The following STK33 variants were observed in gnomAD, a reference collection of about 807,000 sequenced individuals.
The protein encoded by STK33 is serine/threonine-protein kinase 33.
In STK33, 52 loss-of-function variants were observed where a neutral mutation model predicts 58.0. That is an observed-to-expected ratio of 0.90 (90% CI 0.72 to 1.13). STK33 has a LOEUF of 1.13. Ranked by LOEUF, STK33 falls within the 50% of genes most tolerant of loss-of-function variation. The pLI is 0.00. For synonymous variants in STK33, 215 were observed against 200.1 expected, an observed-to-expected ratio of 1.07 and a Z score of -0.63; for missense variants, 630 against 604.2, an observed-to-expected ratio of 1.04 and a Z score of -0.45.
chr11:8,457,273 C>T, intron 9 of STK33, 68 bp downstream of exon 9: 1 of 1,366,558 alleles, frequency 7.3e-7, no homozygotes, highest in South Asian at 2.2e-5. Flanking sequence ...ATCTGGAATA[C>T]AATTACCCTT....
At chr11:8,588,749 T>C (rs2032126872) in intron 1 of STK33, among the ~76,000 whole-genome samples, 1 of 151,972 alleles carries the variant, frequency 6.6e-6, no homozygotes, top group South Asian at 2.1e-4. Context: ...TGGAAGAAAA[T>C]ATTTGCAAAT....
chr11:8,400,035 G>C (rs1199631739), intron 15 of STK33, among the ~76,000 whole-genome samples: 1 of 152,168 alleles, frequency 6.6e-6, no homozygotes, highest in African/African-American at 2.4e-5. Context: ...AATTCTACCA[G>C]AGGTACAAAG....
chr11:8,386,856 C>T, the STK33 span, among the ~76,000 whole-genome samples: 3 of 152,136 alleles, frequency 2.0e-5, no homozygotes, highest in Admixed American at 6.5e-5. Context: ...TGTGGGAAAT[C>T]GAAACATGAT....
At chr11:8,338,762 C>T in the STK33 span, among the ~76,000 whole-genome samples, 8 of 152,296 alleles carry the variant, frequency 5.3e-5, no homozygotes, top group South Asian at 2.1e-4. Context: ...CAGAAGACCC[C>T]TTCTTCTGTC....
chr11:8,352,043 C>T, the STK33 span, among the ~76,000 whole-genome samples: 1 of 152,260 alleles, frequency 6.6e-6, no homozygotes, highest in East Asian at 1.9e-4. Flanking sequence ...CCCATTGCAA[C>T]TGTCCCAACA....
intron 2 of STK33, among the ~76,000 whole-genome samples, chr11:8,479,228 C>T (rs1050264467): frequency 6.6e-6 from 1 of 151,854 alleles, no homozygotes; most frequent in Admixed American, 6.6e-5. Context: ...TGGCCAACAT[C>T]CTGACCAACC....
intron 1 of STK33, among the ~76,000 whole-genome samples, chr11:8,526,828 C>CAA (rs35493333): frequency 0.12 from 15,165 of 131,642 alleles, 986 homozygotes; most frequent in East Asian, 0.28. Flanking sequence ...TGATACTGAG[C>CAA]AAAAAAAAAA....
chr11:8,571,142 C>G (rs1322416464), intron 1 of STK33, among the ~76,000 whole-genome samples: 1 of 151,978 alleles, frequency 6.6e-6, no homozygotes, highest in Admixed American at 6.5e-5. Context: ...AAAAGCCCAG[C>G]AGTTTAGCTT....
At chr11:8,367,559 G>A in the STK33 span, among the ~76,000 whole-genome samples, 1 of 152,208 alleles carries the variant, frequency 6.6e-6, no homozygotes, top group Admixed American at 6.5e-5. Context: ...AGAATGAGTA[G>A]CAACTCACCA....
intron 1 of STK33, among the ~76,000 whole-genome samples, chr11:8,500,337 C>G (rs1179150195): frequency 1.5e-5 from 2 of 134,002 alleles, no homozygotes; most frequent in Admixed American, 1.5e-4. Context: ...GAAACACCCC[C>G]CAACACACAC....
chr11:8,515,380 C>T (rs1055272526), intron 1 of STK33, among the ~76,000 whole-genome samples: 1 of 152,056 alleles, frequency 6.6e-6, no homozygotes, highest in Non-Finnish European at 1.5e-5. Context: ...AAAGTCTAAA[C>T]AGATCTATAA....
chr11:8,421,205 C>T (rs927509576), intron 14 of STK33, among the ~76,000 whole-genome samples: 20 of 152,078 alleles, frequency 1.3e-4, no homozygotes, highest in African/African-American at 4.3e-4. Context: ...TTATGAAATC[C>T]TTTCCTACAC....
At chr11:8,444,350 T>C (rs1399879282) in intron 11 of STK33, among the ~76,000 whole-genome samples, 2 of 152,214 alleles carry the variant, frequency 1.3e-5, no homozygotes, top group African/African-American at 4.8e-5. Flanking sequence ...TCCTTTTTTT[T>C]GTACTCAGCA....
At chr11:8,498,999 TACC>T (rs1780284460) in intron 1 of STK33, among the ~76,000 whole-genome samples, 2 of 152,070 alleles carry the variant, frequency 1.3e-5, no homozygotes, top group Non-Finnish European at 2.9e-5. Flanking sequence ...ACCTAGCCAA[TACC>T]ATTCAGGACA....
intron 1 of STK33, among the ~76,000 whole-genome samples, chr11:8,496,644 G>T (rs563876778): frequency 1.3e-3 from 202 of 150,190 alleles, no homozygotes; most frequent in African/African-American, 4.7e-3. Context: ...GCGTGATCTC[G>T]GCTCACTGCA....
chr11:8,412,103 T>C (rs1457939472), intron 15 of STK33, among the ~76,000 whole-genome samples: 1 of 152,162 alleles, frequency 6.6e-6, no homozygotes, highest in African/African-American at 2.4e-5. Context: ...ATTGTACATA[T>C]GTGAGTATAT....
intron 15 of STK33, among the ~76,000 whole-genome samples, chr11:8,409,621 G>C (rs1939863792): frequency 1.3e-5 from 2 of 152,124 alleles, no homozygotes; most frequent in South Asian, 4.1e-4. Flanking sequence ...GGGCAAACAA[G>C]GTTAGAAGCA....
chr11:8,574,802 G>A (rs143242723), intron 1 of STK33, among the ~76,000 whole-genome samples: 314 of 152,088 alleles, frequency 2.1e-3, no homozygotes, highest in Non-Finnish European at 3.4e-3. Flanking sequence ...ACTTTGGGGT[G>A]CCAGGCCAGG....
intron 1 of STK33, among the ~76,000 whole-genome samples, chr11:8,512,815 T>C (rs568477325): frequency 6.6e-6 from 1 of 152,134 alleles, no homozygotes; most frequent in African/African-American, 2.4e-5. Context: ...TGATCAAATT[T>C]TGACCTTGGC....
Sources: allele counts gnomAD v4.1 joint callset (sites outside exome capture counted in the v4.1 genomes callset), GRCh38; gene constraint gnomAD v4.1.1; transcripts MANE v1.5; gene names NCBI Gene and HGNC (gene_info 2026-07-23, HGNC 2026-07-21).